Variants in BRAF observed in about 807,000 individuals in gnomAD.
BRAF encodes the protein B-Raf proto-oncogene, serine/threonine kinase.
A neutral mutation model predicts 104.6 loss-of-function variants in BRAF; 16 were observed. The ratio of observed to expected loss-of-function variants is 0.15; its 90% CI spans 0.10 to 0.23. The LOEUF (loss-of-function observed/expected upper bound fraction) is 0.23, where lower values mean the gene tolerates loss of function less well. BRAF is among the 10% of genes least tolerant of loss of function. The pLI is 1.00. For synonymous variants in BRAF, 310 were observed against 341.6 expected (o/e 0.91, Z 1.02); for missense variants, 541 against 937.3 (o/e 0.58, Z 5.52).
chr7:140,715,057 G>C (rs1320533983), downstream of BRAF, among the ~76,000 whole-genome samples: 1 of 152,194 alleles, frequency 6.6e-6, no homozygotes. Flanking sequence ...CTCATAAGCA[G>C]ACCAGGGCCA....
chr7:140,821,759 T>A (rs1805511263), intron 3 of BRAF, among the ~76,000 whole-genome samples: 1 of 152,074 alleles, frequency 6.6e-6, no homozygotes, highest in Non-Finnish European at 1.5e-5. Flanking sequence ...AGAAAATGAA[T>A]CATTCTACGA....
intron 1 of BRAF, among the ~76,000 whole-genome samples, chr7:140,869,518 A>G (rs1811330537): frequency 6.6e-6 from 1 of 152,132 alleles, no homozygotes; most frequent in Non-Finnish European, 1.5e-5. Flanking sequence ...CCGTAATTCC[A>G]GCTACTCAGG....
At chr7:140,876,549 C>T (rs1469992783) in intron 1 of BRAF, among the ~76,000 whole-genome samples, 1 of 152,102 alleles carries the variant, frequency 6.6e-6, no homozygotes. Context: ...TTTAAAATGA[C>T]CCAACTATAT....
At chr7:140,801,607 T>C (rs1475784414) in intron 5 of BRAF, 47 bp from the exon 6 acceptor site, 2 of 1,585,214 alleles carry the variant, frequency 1.3e-6, no homozygotes, top group South Asian at 1.1e-5. Flanking sequence ...ACAAGAAAAC[T>C]TTCTAGAAAC....
At chr7:140,846,233 A>G (rs1200504539) in intron 2 of BRAF, among the ~76,000 whole-genome samples, 1 of 152,210 alleles carries the variant, frequency 6.6e-6, no homozygotes, top group Non-Finnish European at 1.5e-5. Flanking sequence ...AATAGCCAAA[A>G]CGTAGAAGCA....
At chr7:140,860,279 C>T (rs1810265207) in intron 1 of BRAF, among the ~76,000 whole-genome samples, 1 of 151,730 alleles carries the variant, frequency 6.6e-6, no homozygotes, top group Non-Finnish European at 1.5e-5. Flanking sequence ...GTCAACTAAT[C>T]CAAAAGAAAA....
At chr7:140,714,605 C>T (rs114005660), downstream of BRAF, among the ~76,000 whole-genome samples, 212 of 152,240 alleles carry the variant, frequency 1.4e-3, no homozygotes, top group African/African-American at 5.0e-3. Flanking sequence ...AAGTGATCTT[C>T]CTGCCTTGGC....
At chr7:140,798,989 G>A (rs550086335) in intron 7 of BRAF, 1 of 174,302 alleles carries the variant, frequency 5.7e-6, no homozygotes, top group South Asian at 2.0e-4. Flanking sequence ...GGGATTACAG[G>A]TGTGTGCCAT....
At chr7:140,740,150 T>A (rs556557240) in intron 17 of BRAF, 173 of 566,382 alleles carry the variant, frequency 3.1e-4, no homozygotes, top group African/African-American at 3.0e-3. Context: ...ATCTTCATGA[T>A]CCTTGGACTG....
chr7:140,794,603 T>C (rs1475724124), intron 7 of BRAF, 136 bp from the exon 8 acceptor site: 1 of 1,071,262 alleles, frequency 9.3e-7, no homozygotes, highest in African/African-American at 1.6e-5. Flanking sequence ...CTAGCAGTAA[T>C]GACTTTTAAA....
chr7:140,789,170 C>T (rs1176041369), intron 8 of BRAF, among the ~76,000 whole-genome samples: 3 of 151,726 alleles, frequency 2.0e-5, no homozygotes, highest in Admixed American at 2.0e-4. Context: ...GATTGCACCA[C>T]TGCACTCCAG....
intron 19 of BRAF, among the ~76,000 whole-genome samples, chr7:140,727,242 G>T (rs1277190903): frequency 2.7e-5 from 4 of 149,328 alleles, no homozygotes; most frequent in Non-Finnish European, 5.9e-5. Context: ...GGAGTGCAAT[G>T]GTGCAATCTC....
At position 140,740,414 on chromosome 7, in the gene BRAF, ACGCTAATGGG is replaced by A. The variant is rs1221653963; in HGVS notation, c.2113-478_2113-469del. The A allele has an allele frequency of 1.3e-5, 2 of 154,778 alleles. 1 individual carries two copies. The highest frequency in any genetic ancestry group is 4.8e-5 in the African/African-American group (2 of 41,462). The allele number at this position is 154,778 out of a possible 1,614,324, so 9.6% of individuals were successfully genotyped here. On this transcript the variant is annotated intron_variant, in intron 17 of 19. Coordinates refer to ENST00000644969, the MANE Select transcript of BRAF (RefSeq NM_001374258.1). ...CATCTTAAGCCCTTTTATTGTGGAA[ACGCTAATGGG>A]CCACTTGGTTATACAAACCAGAGCC... is the stretch of plus-strand genomic sequence containing the variant.
At chr7:140,815,671 A>G (rs905640233) in intron 3 of BRAF, among the ~76,000 whole-genome samples, 5 of 145,168 alleles carry the variant, frequency 3.4e-5, no homozygotes, top group Non-Finnish European at 7.6e-5. Context: ...CCTTACCTCA[A>G]GTGACCCGCC....
rs1416768405 is a variant in BRAF, at chr7:140,725,644, G to A, written c.*850C>T. On this transcript the variant is annotated 3_prime_UTR_variant, in exon 20 of 20. Transcript: ENST00000644969. ...CCGCATAAGTAGTTGGTGACTGGAA[G>A]AGCATAGGAGGAAGATATAAACTGT... The A allele has an allele frequency of 9.4e-7, 1 of 1,058,252 alleles. No homozygotes were observed. The highest frequency in any genetic ancestry group is 1.7e-5 in the African/African-American group (1 of 60,592). 65.6% of individuals were successfully genotyped at this position (1,058,252 alleles called of 1,614,324 possible).
At chr7:140,793,233 T>C (rs1802160082) in intron 8 of BRAF, among the ~76,000 whole-genome samples, 1 of 152,206 alleles carries the variant, frequency 6.6e-6, no homozygotes, top group Non-Finnish European at 1.5e-5. Context: ...GTTTTCAAAG[T>C]AAAGATGAAG....
intron 14 of BRAF, among the ~76,000 whole-genome samples, 194 bp downstream of exon 13, chr7:140,776,718 T>C (rs999404771): frequency 6.6e-6 from 1 of 152,230 alleles, no homozygotes; most frequent in Non-Finnish European, 1.5e-5. Flanking sequence ...ATACTTGATA[T>C]ATGTTCTGAA....
At position 140,834,594 on chromosome 7, in the gene BRAF, T is replaced by C; in HGVS notation, c.504+15A>G. 1.2e-6 allele frequency: 2 copies of C among 1,614,010 alleles called. No individual in the cohort carries two copies. Among genetic ancestry groups the C allele is most frequent in the Non-Finnish European group, 8.5e-7 (1 of 1,179,904 alleles). Reference sequence around the variant, plus strand: ...ACAAAGAAACAGCAAAATGGTGATATTAAAACTGACTCACCACTGTCCTCT... The same window carrying C: ...ACAAAGAAACAGCAAAATGGTGATACTAAAACTGACTCACCACTGTCCTCT... On this transcript the variant is annotated intron_variant, in intron 3 of 19. Coordinates refer to ENST00000644969, the MANE Select transcript of BRAF (RefSeq NM_001374258.1).
chr7:140,730,176 C>T (rs1795856332), intron 19 of BRAF, among the ~76,000 whole-genome samples: 1 of 151,936 alleles, frequency 6.6e-6, no homozygotes, highest in African/African-American at 2.4e-5. Flanking sequence ...GAAATCTCTA[C>T]TATTCTACTT....
Sources: allele counts gnomAD v4.1 joint callset (sites outside exome capture counted in the v4.1 genomes callset), GRCh38; gene constraint gnomAD v4.1.1; transcripts MANE v1.5; gene names NCBI Gene and HGNC (gene_info 2026-07-23, HGNC 2026-07-21).